SLC14A2: variants seen among roughly 807,000 people sequenced by gnomAD.
SLC14A2 encodes solute carrier family 14 member 2, also known as urea transporter 2.
In SLC14A2, 91 loss-of-function variants were observed where a neutral mutation model predicts 104.6. The ratio of observed to expected loss-of-function variants is 0.87; its 90% CI spans 0.73 to 1.04. The LOEUF (loss-of-function observed/expected upper bound fraction) is 1.04. Among genes scored for constraint, SLC14A2 ranks in the 50% least tolerant of loss-of-function variants. The probability of loss-of-function intolerance (pLI) is 0.00; values close to 1 mark genes in which losing one functional copy is unlikely to be tolerated. For synonymous variants in SLC14A2, 476 were observed against 466.4 expected, an observed-to-expected ratio of 1.02 and a Z score of -0.27; for missense variants, 1,189 against 1,156.0, an observed-to-expected ratio of 1.03 and a Z score of -0.41.
chr18:45,186,755 GTGGT>G, the SLC14A2 span, among the ~76,000 whole-genome samples: 1 of 152,190 alleles, frequency 6.6e-6, no homozygotes, highest in Non-Finnish European at 1.5e-5. Context: ...TACTTACAAG[GTGGT>G]TGCAATGAAT....
intron 1 of SLC14A2, among the ~76,000 whole-genome samples, chr18:45,481,979 G>A (rs72912660): frequency 0.098 from 14,880 of 152,022 alleles, 902 homozygotes; most frequent in Non-Finnish European, 0.14. Flanking sequence ...CTTTGGTTTC[G>A]GTTTCTAACT....
intron 1 of SLC14A2, among the ~76,000 whole-genome samples, chr18:45,393,145 G>T (rs1258369028): frequency 6.6e-6 from 1 of 152,116 alleles, no homozygotes; most frequent in Non-Finnish European, 1.5e-5. Flanking sequence ...TTACAGTAGT[G>T]AACAGAAAGA....
chr18:45,335,454 A>G (rs1004577528), intron 1 of SLC14A2, among the ~76,000 whole-genome samples: 1 of 129,152 alleles, frequency 7.7e-6, no homozygotes, highest in Non-Finnish European at 1.6e-5. Context: ...CATAAACACT[A>G]TTATATGCAG....
intron 1 of SLC14A2, among the ~76,000 whole-genome samples, chr18:45,281,339 G>A (rs145117856): frequency 1.2e-4 from 18 of 152,056 alleles, no homozygotes; most frequent in South Asian, 4.2e-4. Context: ...ACACACACAC[G>A]TGCACGTGGA....
At chr18:45,281,219 T>C (rs1719033459) in intron 1 of SLC14A2, among the ~76,000 whole-genome samples, 1 of 152,194 alleles carries the variant, frequency 6.6e-6, no homozygotes, top group South Asian at 2.1e-4. Flanking sequence ...GGGTTAACAG[T>C]GTCCCTGCTA....
intron 2 of SLC14A2, among the ~76,000 whole-genome samples, chr18:45,606,715 A>G (rs1446909197): frequency 2.0e-5 from 3 of 149,146 alleles, no homozygotes; most frequent in Admixed American, 6.8e-5. Context: ...CTAAATGCCT[A>G]TAACTGACAA....
intron 1 of SLC14A2, among the ~76,000 whole-genome samples, chr18:45,252,998 GC>G (rs2084439031): frequency 6.6e-6 from 1 of 152,218 alleles, no homozygotes; most frequent in African/African-American, 2.4e-5. Flanking sequence ...ATGTTGGGGT[GC>G]TCAGGAAACA....
chr18:45,248,149 A>G (rs1047364877), intron 1 of SLC14A2, among the ~76,000 whole-genome samples: 1 of 152,160 alleles, frequency 6.6e-6, no homozygotes, highest in African/African-American at 2.4e-5. Flanking sequence ...AGAGTCACTG[A>G]TTGGAAGAGG....
intron 1 of SLC14A2, among the ~76,000 whole-genome samples, chr18:45,324,472 GA>G (rs2085215164): frequency 6.6e-6 from 1 of 152,222 alleles, no homozygotes; most frequent in South Asian, 2.1e-4. Context: ...TGAAGCCTCT[GA>G]ACTCCATCCT....
At chr18:45,301,985 T>G (rs976479970) in intron 1 of SLC14A2, among the ~76,000 whole-genome samples, 13 of 152,314 alleles carry the variant, frequency 8.5e-5, no homozygotes, top group Non-Finnish European at 1.9e-4. Context: ...TTCTCTACAA[T>G]GCCAGCCCTG....
intron 1 of SLC14A2, among the ~76,000 whole-genome samples, chr18:45,384,849 G>T (rs1394328872): frequency 6.6e-6 from 1 of 152,202 alleles, no homozygotes; most frequent in Non-Finnish European, 1.5e-5. Flanking sequence ...TGTCAATTAT[G>T]TGAAAGTTCC....
In SLC14A2 at chr18:45,413,202, T is replaced by C. The variant is rs73433870; in HGVS notation, c.-124-70031T>C. ...GCTTATGTTATCTAATGCTATCATG[T>C]TATCTACAGATCTACAGAGAAAGGG... On this transcript the variant is annotated intron_variant, in intron 1 of 20. Coordinates refer to the SLC14A2 transcript ENST00000586448. Among the ~76,000 whole-genome samples, 961 of 152,344 alleles carry C rather than the reference T, an allele frequency of 6.3e-3. 10 individuals carry two copies. Among genetic ancestry groups the C allele is most frequent in the African/African-American group, 0.022 (915 of 41,576 alleles).
intron 2 of SLC14A2, among the ~76,000 whole-genome samples, chr18:45,597,819 TCA>T (rs1056852923): frequency 4.6e-5 from 7 of 152,150 alleles, no homozygotes; most frequent in Non-Finnish European, 1.0e-4. Flanking sequence ...TGCCTTAGAC[TCA>T]GTCACTTAGC....
At chr18:45,361,699 AG>A (rs1287110516) in intron 1 of SLC14A2, among the ~76,000 whole-genome samples, 1 of 152,188 alleles carries the variant, frequency 6.6e-6, no homozygotes, top group Non-Finnish European at 1.5e-5. Flanking sequence ...CAGTCCTGGC[AG>A]CCCTCTCCCT....
At chr18:45,234,823 G>GT (rs1288785150) in intron 1 of SLC14A2, among the ~76,000 whole-genome samples, 2 of 151,930 alleles carry the variant, frequency 1.3e-5, no homozygotes, top group African/African-American at 4.8e-5. Flanking sequence ...GCAGCATTTT[G>GT]TTTTTATTAT....
intron 1 of SLC14A2, among the ~76,000 whole-genome samples, chr18:45,382,845 A>C (rs1457613244): frequency 6.6e-6 from 1 of 152,230 alleles, no homozygotes; most frequent in Non-Finnish European, 1.5e-5. Context: ...TGGGCAGTAT[A>C]TGGGAGAGGA....
At chr18:45,361,898 C>T (rs1372849719) in intron 1 of SLC14A2, among the ~76,000 whole-genome samples, 1 of 152,132 alleles carries the variant, frequency 6.6e-6, no homozygotes, top group Non-Finnish European at 1.5e-5. Context: ...CCATCTTTTC[C>T]CCGGGAGCAC....
At chr18:45,273,178 T>C (rs891645596) in intron 1 of SLC14A2, among the ~76,000 whole-genome samples, 1 of 152,128 alleles carries the variant, frequency 6.6e-6, no homozygotes, top group African/African-American at 2.4e-5. Context: ...TATGTACTGG[T>C]TTTATTTTCA....
At chr18:45,560,065 C>A (rs1156464758) in intron 2 of SLC14A2, among the ~76,000 whole-genome samples, 1 of 152,202 alleles carries the variant, frequency 6.6e-6, no homozygotes, top group Non-Finnish European at 1.5e-5. Flanking sequence ...TGAACATATG[C>A]CCCCTCCCAG....
Sources: gnomAD v4.1 joint callset for allele counts (sites outside exome capture counted in the v4.1 genomes callset) on GRCh38, gnomAD v4.1.1 for gene constraint, MANE v1.5 for transcripts, NCBI Gene and HGNC (gene_info 2026-07-23, HGNC 2026-07-21) for gene names.